UNC13C: variants seen among roughly 807,000 people sequenced by gnomAD.
UNC13C encodes the protein protein unc-13 homolog C.
Under a neutral mutation model 245.4 loss-of-function variants are expected in UNC13C, and 174 were observed. The ratio of observed to expected loss-of-function variants is 0.71; its 90% CI spans 0.63 to 0.80. UNC13C has a LOEUF of 0.80. UNC13C is among the 30% of genes least tolerant of loss of function. The pLI is 0.00. For missense variants in UNC13C, 2,829 were observed against 2,602.9 expected (o/e 1.09, Z -1.89); for synonymous variants, 992 against 895.1 (o/e 1.11, Z -1.93).
chr15:54,258,960 C>G (rs1204886607), intron 8 of UNC13C, among the ~76,000 whole-genome samples: 3 of 152,212 alleles, frequency 2.0e-5, no homozygotes, highest in East Asian at 1.9e-4. Flanking sequence ...ACCCACAGTT[C>G]TGAAGGTAGA....
intron 22 of UNC13C, among the ~76,000 whole-genome samples, chr15:54,504,877 A>T (rs992223022): frequency 6.6e-6 from 1 of 152,160 alleles, no homozygotes; most frequent in Non-Finnish European, 1.5e-5. Flanking sequence ...ATTAGCTCAG[A>T]AAAACACAAT....
the UNC13C span, among the ~76,000 whole-genome samples, chr15:53,960,586 C>A: frequency 6.6e-6 from 1 of 152,150 alleles, no homozygotes; most frequent in African/African-American, 2.4e-5. Context: ...GAACACACAA[C>A]ACAAAGTAAG....
intron 4 of UNC13C, among the ~76,000 whole-genome samples, chr15:54,208,469 C>A (rs1035377514): frequency 3.9e-5 from 6 of 152,080 alleles, no homozygotes; most frequent in Non-Finnish European, 8.8e-5. Flanking sequence ...TTTATTCATT[C>A]CCGTAGGATT....
chr15:53,842,897 G>T, the UNC13C span, among the ~76,000 whole-genome samples: 8 of 126,062 alleles, frequency 6.3e-5, no homozygotes, highest in Non-Finnish European at 1.3e-4. Context: ...ATAATTTTAA[G>T]TTTTATATAT....
At chr15:53,856,947 T>C in the UNC13C span, among the ~76,000 whole-genome samples, 1 of 152,180 alleles carries the variant, frequency 6.6e-6, no homozygotes, top group Non-Finnish European at 1.5e-5. Context: ...ACTTGCTTTA[T>C]AAATCTGGGT....
chr15:54,133,080 G>A (rs185575556), intron 2 of UNC13C, among the ~76,000 whole-genome samples: 5 of 152,020 alleles, frequency 3.3e-5, no homozygotes, highest in Non-Finnish European at 5.9e-5. Flanking sequence ...TTTATTTTTC[G>A]TGGTAACTGG....
chr15:53,999,501 AT>A (rs1300511275), intron 1 of UNC13C, among the ~76,000 whole-genome samples: 4 of 151,686 alleles, frequency 2.6e-5, no homozygotes, highest in African/African-American at 9.7e-5. Context: ...GGTAATTTGT[AT>A]TTCTTATTTT....
intron 8 of UNC13C, among the ~76,000 whole-genome samples, chr15:54,258,290 G>T (rs138166631): frequency 1.3e-5 from 2 of 152,066 alleles, no homozygotes; most frequent in Admixed American, 6.6e-5. Flanking sequence ...CACCGTCCGC[G>T]TGAGAGTTTT....
the UNC13C span, chr15:53,910,825 G>A: frequency 6.8e-6 from 1 of 146,770 alleles, no homozygotes; most frequent in Non-Finnish European, 1.5e-5. Flanking sequence ...GGCCCCCCGA[G>A]TGTTCTTTCT....
intron 2 of UNC13C, chr15:54,048,522 G>T: frequency 1.8e-6 from 1 of 555,178 alleles, no homozygotes; most frequent in Non-Finnish European, 3.5e-6. Flanking sequence ...CTTAGTATGT[G>T]GGCCATTTTT....
intron 4 of UNC13C, among the ~76,000 whole-genome samples, chr15:54,146,886 A>G (rs888656748): frequency 2.6e-5 from 4 of 152,214 alleles, no homozygotes; most frequent in Admixed American, 2.6e-4. Context: ...TATATGGAGC[A>G]GGAAGGTGAA....
At chr15:54,211,403 G>C (rs1174084710) in intron 4 of UNC13C, among the ~76,000 whole-genome samples, 2 of 152,086 alleles carry the variant, frequency 1.3e-5, no homozygotes, top group Non-Finnish European at 2.9e-5. Flanking sequence ...TTAGTTGTGT[G>C]CTGGTAAATG....
At chr15:53,908,436 C>T in the UNC13C span, among the ~76,000 whole-genome samples, 1 of 145,838 alleles carries the variant, frequency 6.9e-6, no homozygotes, top group African/African-American at 2.4e-5. Flanking sequence ...AGGATACAAC[C>T]CTTTGGGGAG....
the UNC13C span, among the ~76,000 whole-genome samples, chr15:53,946,683 T>G: frequency 4.0e-5 from 6 of 150,254 alleles, no homozygotes; most frequent in South Asian, 4.2e-4. Context: ...GTTTTTTTTT[T>G]TTTTTTTTTT....
the UNC13C span, among the ~76,000 whole-genome samples, chr15:53,890,498 C>CT: frequency 2.0e-5 from 3 of 152,138 alleles, no homozygotes; most frequent in Non-Finnish European, 4.4e-5. Context: ...TGGTCCTGGA[C>CT]TTTTTTGGGT....
intron 4 of UNC13C, among the ~76,000 whole-genome samples, chr15:54,195,764 A>G (rs749894034): frequency 2.0e-5 from 3 of 152,160 alleles, no homozygotes; most frequent in Non-Finnish European, 4.4e-5. Context: ...ATGACATTGC[A>G]GAGAAGTGCA....
At chr15:54,357,987 A>G (rs1018496094) in intron 17 of UNC13C, among the ~76,000 whole-genome samples, 9 of 152,146 alleles carry the variant, frequency 5.9e-5, no homozygotes, top group African/African-American at 1.9e-4. Context: ...AAAGATATCT[A>G]TTAACTCTTT....
rs1484496658 is a variant in UNC13C, at chr15:54,500,827, C to T, written c.5158-8C>T. ...TGTTTGGGATGGTTTCACCTCCTCTCCCCACAGTTCCAGCAGACATCTGAG... is the reference window on the plus strand; with the variant it reads ...TGTTTGGGATGGTTTCACCTCCTCTTCCCACAGTTCCAGCAGACATCTGAG... On this transcript the variant is annotated splice_polypyrimidine_tract_variant and splice_region_variant and intron_variant, in intron 21 of 32. Transcript: ENST00000260323. 4 of 1,611,938 alleles carry T rather than the reference C, an allele frequency of 2.5e-6. No homozygotes were observed. Among genetic ancestry groups the T allele is most frequent in the South Asian group, 1.1e-5 (1 of 90,924 alleles).
chr15:54,296,871 G>T (rs1172487891), intron 11 of UNC13C, among the ~76,000 whole-genome samples: 1 of 152,168 alleles, frequency 6.6e-6, no homozygotes, highest in Non-Finnish European at 1.5e-5. Flanking sequence ...TACAATCACA[G>T]CCTAGATTAT....
Sources: gnomAD v4.1 joint callset for allele counts (sites outside exome capture counted in the v4.1 genomes callset) on GRCh38, gnomAD v4.1.1 for gene constraint, MANE v1.5 for transcripts, NCBI Gene and HGNC (gene_info 2026-07-23, HGNC 2026-07-21) for gene names.